The following CAMTA1 variants were observed in gnomAD, a reference collection of about 807,000 sequenced individuals.
The protein encoded by CAMTA1 is calmodulin-binding transcription activator 1.
Under a neutral mutation model 170.9 loss-of-function variants are expected in CAMTA1, and 27 were observed. That is an observed-to-expected ratio of 0.16 (90% CI 0.12 to 0.22). CAMTA1 has a LOEUF of 0.22. CAMTA1 is among the 10% of genes least tolerant of loss of function. The pLI is 1.00. For missense variants in CAMTA1, 1,619 were observed against 2,217.2 expected (o/e 0.73, Z 5.42); for synonymous variants, 833 against 891.5 (o/e 0.93, Z 1.17).
chr1:7,336,429 G>A (rs1030238245), intron 5 of CAMTA1, among the ~76,000 whole-genome samples: 1 of 152,240 alleles, frequency 6.6e-6, no homozygotes, highest in Non-Finnish European at 1.5e-5. Flanking sequence ...TGGGGGTGAT[G>A]AGATGCACCA....
intron 3 of CAMTA1, among the ~76,000 whole-genome samples, chr1:7,056,460 C>T (rs1707339440): frequency 1.3e-5 from 2 of 152,170 alleles, no homozygotes; most frequent in Admixed American, 1.3e-4. Context: ...GTAATTTCCT[C>T]TCCATCTCTT....
At chr1:6,897,785 G>T (rs766726694) in intron 3 of CAMTA1, among the ~76,000 whole-genome samples, 9 of 152,168 alleles carry the variant, frequency 5.9e-5, no homozygotes, top group African/African-American at 1.9e-4. Context: ...TGGATATATG[G>T]GTTGTGTTTA....
In CAMTA1 at chr1:7,751,450, T is replaced by C; in HGVS notation, c.4883+58T>C. The C allele has an allele frequency of 2.1e-6, 3 of 1,425,188 alleles. No individual in the cohort carries two copies. The East Asian group carries it at 7.0e-5, about 33-fold the overall frequency. 88.3% of individuals were successfully genotyped at this position (1,425,188 alleles called of 1,614,324 possible). On this transcript the variant is annotated intron_variant, in intron 20 of 22. Transcript: ENST00000303635. ...CCCTAGGGAAGAGAACTCTGACTTC[T>C]TTGAAAGACTTGTCCTGGGCTGACA...
At chr1:7,264,251 T>G (rs766740702) in intron 5 of CAMTA1, among the ~76,000 whole-genome samples, 2 of 152,340 alleles carry the variant, frequency 1.3e-5, no homozygotes, top group Non-Finnish European at 2.9e-5. Flanking sequence ...AAGTCCCTGG[T>G]GCAGCTGATG....
intron 15 of CAMTA1, 129 bp downstream of exon 15, chr1:7,737,699 T>G: frequency 1.0e-6 from 1 of 988,622 alleles, no homozygotes; most frequent in Non-Finnish European, 1.5e-6. Flanking sequence ...TTCTGATTTT[T>G]CTTTAAGAAT....
At chr1:7,553,017 C>T (rs995928805) in intron 6 of CAMTA1, among the ~76,000 whole-genome samples, 10 of 152,194 alleles carry the variant, frequency 6.6e-5, no homozygotes, top group Non-Finnish European at 1.3e-4. Context: ...TAGGAACAGC[C>T]GCAGTCTAAC....
intron 3 of CAMTA1, among the ~76,000 whole-genome samples, chr1:7,003,025 G>A (rs184861730): frequency 1.3e-5 from 2 of 152,338 alleles, no homozygotes; most frequent in African/African-American, 4.8e-5. Flanking sequence ...TCTGAACCTT[G>A]GCACTATTCA....
intron 6 of CAMTA1, among the ~76,000 whole-genome samples, chr1:7,509,848 G>A (rs1293216361): frequency 1.3e-5 from 2 of 151,922 alleles, no homozygotes; most frequent in African/African-American, 2.4e-5. Flanking sequence ...CCAGCCAGGC[G>A]AGCTATGTGG....
chr1:6,899,104 A>G (rs1268384192), intron 3 of CAMTA1, among the ~76,000 whole-genome samples: 1 of 152,108 alleles, frequency 6.6e-6, no homozygotes, highest in African/African-American at 2.4e-5. Flanking sequence ...ATAGCCCTGC[A>G]CCATCATGGA....
chr1:6,943,339 C>A (rs969608246), intron 3 of CAMTA1, among the ~76,000 whole-genome samples: 3 of 152,020 alleles, frequency 2.0e-5, no homozygotes, highest in Non-Finnish European at 2.9e-5. Flanking sequence ...CTTGGGGCTG[C>A]TACAGTCAGG....
chr1:7,180,115 C>G (rs12082014), intron 4 of CAMTA1, among the ~76,000 whole-genome samples: 37,216 of 151,946 alleles, frequency 0.24, 4,634 homozygotes, highest in Admixed American at 0.29. Context: ...ATCTGTAATC[C>G]CAGCACTTTG....
At chr1:7,759,320 C>G (rs1463294852) in intron 22 of CAMTA1, among the ~76,000 whole-genome samples, 1 of 152,096 alleles carries the variant, frequency 6.6e-6, no homozygotes, top group Non-Finnish European at 1.5e-5. Flanking sequence ...AGCAGCAGAG[C>G]AATCAGAAAA....
chr1:6,999,844 C>T (rs949344514), intron 3 of CAMTA1, among the ~76,000 whole-genome samples: 2 of 152,128 alleles, frequency 1.3e-5, no homozygotes, highest in Non-Finnish European at 2.9e-5. Flanking sequence ...GAGGAGAATA[C>T]GTTGGTGATA....
At chr1:7,013,245 C>T (rs1309039669) in intron 3 of CAMTA1, among the ~76,000 whole-genome samples, 4 of 102,898 alleles carry the variant, frequency 3.9e-5, no homozygotes, top group Non-Finnish European at 7.4e-5. Context: ...GATAGAGTCT[C>T]GCCAGCCTGT....
At chr1:6,827,965 G>A (rs1214097284) in intron 3 of CAMTA1, among the ~76,000 whole-genome samples, 2 of 152,168 alleles carry the variant, frequency 1.3e-5, no homozygotes, top group Non-Finnish European at 2.9e-5. Flanking sequence ...TGGAAGAGGC[G>A]TGTGGGAATG....
At chr1:7,275,146 C>CAAAAAAAAA (rs1340599304) in intron 5 of CAMTA1, among the ~76,000 whole-genome samples, 3 of 83,558 alleles carry the variant, frequency 3.6e-5, no homozygotes, top group African/African-American at 5.4e-5. Flanking sequence ...GATTCCATCT[C>CAAAAAAAAA]AAAAAAAAAA....
At chr1:7,406,980 C>T (rs1224413075) in intron 5 of CAMTA1, among the ~76,000 whole-genome samples, 1 of 152,226 alleles carries the variant, frequency 6.6e-6, no homozygotes, top group Non-Finnish European at 1.5e-5. Context: ...AGCCCCCAAC[C>T]ACCTGTCTCC....
At chr1:7,288,481 A>G (rs951668990) in intron 5 of CAMTA1, among the ~76,000 whole-genome samples, 1 of 152,202 alleles carries the variant, frequency 6.6e-6, no homozygotes, top group African/African-American at 2.4e-5. Context: ...CACCAGTTCA[A>G]CCACACTGGT....
rs1010432951 is a variant in CAMTA1, at chr1:7,642,442, C to T, written c.664+1889C>T. Reference sequence around the variant, plus strand: ...CACTTTCCCAAGGGCAGGCCAGAGGCTAGGAGTCTGGGGCACCGGTGCTGC... The same window carrying T: ...CACTTTCCCAAGGGCAGGCCAGAGGTTAGGAGTCTGGGGCACCGGTGCTGC... On this transcript the variant is annotated intron_variant, in intron 7 of 22. Transcript: ENST00000303635. The surrounding 1 kb of genome is among the most constrained non-coding windows in gnomAD (Gnocchi z 6.3). 2.6e-5 allele frequency among the ~76,000 whole-genome samples: 4 copies of T among 152,294 alleles called. No individual in the cohort carries two copies. Among genetic ancestry groups the T allele is most frequent in the African/African-American group, 9.6e-5 (4 of 41,580 alleles).
Sources: gnomAD v4.1 joint callset for allele counts (sites outside exome capture counted in the v4.1 genomes callset) on GRCh38, gnomAD v4.1.1 for gene constraint, Gnocchi (gnomAD v3.1) non-coding constraint, MANE v1.5 for transcripts, NCBI Gene and HGNC (gene_info 2026-07-23, HGNC 2026-07-21) for gene names.